Variants in DOCK4 observed in about 807,000 individuals in gnomAD.
DOCK4 encodes dedicator of cytokinesis protein 4.
DOCK4 carries 97 observed loss-of-function variants against 268.1 expected under a neutral mutation model. That is an observed-to-expected ratio of 0.36 (90% confidence interval 0.31 to 0.43). The LOEUF is 0.43. Ranked by LOEUF, DOCK4 falls within the 20% of genes least tolerant of loss-of-function variation. The pLI is 1.00. For missense variants in DOCK4, 2,145 were observed against 2,455.7 expected (o/e 0.87, Z 2.67); for synonymous variants, 954 against 887.2 (o/e 1.08, Z -1.34).
intron 1 of DOCK4, among the ~76,000 whole-genome samples, chr7:112,067,238 T>A: frequency 7.0e-6 from 1 of 142,408 alleles, no homozygotes; most frequent in African/African-American, 2.8e-5. Context: ...AAAACACCTT[T>A]ACTTAAAAAA....
At chr7:112,100,405 G>A (rs1226412045) in intron 1 of DOCK4, among the ~76,000 whole-genome samples, 1 of 152,194 alleles carries the variant, frequency 6.6e-6, no homozygotes, top group Non-Finnish European at 1.5e-5. Flanking sequence ...GCTATAGAAA[G>A]CCAATTCATT....
chr7:111,784,392 G>A (rs1215931043), intron 32 of DOCK4: 3 of 640,182 alleles, frequency 4.7e-6, no homozygotes, highest in Non-Finnish European at 2.9e-6. Flanking sequence ...ACCTCTCAGT[G>A]GAATGCATCT....
intron 1 of DOCK4, among the ~76,000 whole-genome samples, chr7:112,140,290 C>A (rs937056645): frequency 2.0e-5 from 3 of 151,878 alleles, no homozygotes; most frequent in Admixed American, 2.0e-4. Flanking sequence ...GAGCCCCCAA[C>A]CCCCACCTGC....
chr7:111,741,606 C>T lies in DOCK4; in HGVS notation c.4853G>A (p.Arg1618His), dbSNP rs746988311. 38 of 1,613,440 alleles carry T rather than the reference C, an allele frequency of 2.4e-5. No homozygotes were observed. Among genetic ancestry groups the T allele is most frequent in the African/African-American group, 8.0e-5 (6 of 74,864 alleles). Residue 1618 changes from arginine (R) to histidine (H), a missense_variant, in exon 46 of 53, where the codon CGT (arginine) becomes CAT (histidine). Physicochemically the swap from Arg to His is conservative, Grantham distance 29 (BLOSUM62 0). Coordinates refer to ENST00000428084, the MANE Select transcript of DOCK4 (RefSeq NM_001363540.2). ...AGCAGGTGCTGAGTTTCTACACACACGAGGGCTTCCATTAGGAAAATGGAC... is the reference window on the plus strand; with the variant it reads ...AGCAGGTGCTGAGTTTCTACACACATGAGGGCTTCCATTAGGAAAATGGAC... Reference protein sequence around the residue: ...SPVHFPNGSPRVCRNSAPASV... With the variant: ...SPVHFPNGSPHVCRNSAPASV...
At chr7:112,198,903 G>A (rs1489110786) in intron 1 of DOCK4, among the ~76,000 whole-genome samples, 4 of 152,062 alleles carry the variant, frequency 2.6e-5, no homozygotes, top group African/African-American at 4.8e-5. Context: ...ATGCTCCAAC[G>A]TGCTCATAAC....
chr7:111,885,162 T>C (rs1016203016), intron 16 of DOCK4, among the ~76,000 whole-genome samples: 1 of 152,190 alleles, frequency 6.6e-6, no homozygotes, highest in Non-Finnish European at 1.5e-5. Context: ...TGCAACAGAA[T>C]AGTGGTTGGG....
intron 1 of DOCK4, among the ~76,000 whole-genome samples, chr7:112,159,437 A>T (rs940916252): frequency 6.6e-6 from 1 of 152,126 alleles, no homozygotes; most frequent in Non-Finnish European, 1.5e-5. Flanking sequence ...CTGGTCTGGC[A>T]TAAGTCCTCC....
intron 26 of DOCK4, among the ~76,000 whole-genome samples, chr7:111,828,376 C>T (rs946857139): frequency 6.6e-5 from 10 of 152,264 alleles, no homozygotes; most frequent in Admixed American, 3.3e-4. Flanking sequence ...TGGAGGCATC[C>T]AGGCTCTTCA....
chr7:111,880,352 A>G (rs998813424), intron 16 of DOCK4, among the ~76,000 whole-genome samples: 7 of 152,216 alleles, frequency 4.6e-5, no homozygotes, highest in Admixed American at 1.3e-4. Flanking sequence ...TATCCAGGGG[A>G]AAAATATCCT....
intron 12 of DOCK4, among the ~76,000 whole-genome samples, chr7:111,928,109 C>T (rs1191763811): frequency 6.6e-6 from 1 of 152,134 alleles, no homozygotes; most frequent in Admixed American, 6.6e-5. Flanking sequence ...CTAATGAAGG[C>T]TCTCATGTCA....
intron 1 of DOCK4, among the ~76,000 whole-genome samples, chr7:112,140,627 T>C (rs1462495761): frequency 6.7e-6 from 1 of 148,818 alleles, no homozygotes; most frequent in Admixed American, 6.7e-5. Flanking sequence ...GTTAAAAAAA[T>C]ACACATAAGA....
intron 6 of DOCK4, among the ~76,000 whole-genome samples, chr7:111,986,103 T>G (rs972851338): frequency 6.6e-6 from 1 of 152,174 alleles, no homozygotes; most frequent in African/African-American, 2.4e-5. Flanking sequence ...GGTAAGCACC[T>G]GACCTAAGGA....
At position 111,742,118 on chromosome 7, in the gene DOCK4, T is replaced by C; in HGVS notation, c.4692A>G (p.Glu1564=). 1 of 1,593,506 alleles carries C rather than the reference T, an allele frequency of 6.3e-7. No individual in the cohort carries two copies. The highest frequency in any genetic ancestry group is 1.1e-5 in the South Asian group (1 of 87,184). ...ELMLEQAQIL[E]FGLAVHEKFV... Reference sequence around the variant, plus strand: ...ACTTCTCATGCACGGCCAAACCAAATTCCAGAATCTGTGCCTTAATTCACA... The same window carrying C: ...ACTTCTCATGCACGGCCAAACCAAACTCCAGAATCTGTGCCTTAATTCACA... The change falls in exon 45 of 53, where the codon GAA becomes GAG. Residue 1564 remains glutamate, a synonymous_variant. Coordinates refer to ENST00000428084, the MANE Select transcript of DOCK4 (RefSeq NM_001363540.2).
At chr7:112,096,946 A>G (rs1161341859) in intron 1 of DOCK4, among the ~76,000 whole-genome samples, 1 of 152,226 alleles carries the variant, frequency 6.6e-6, no homozygotes, top group African/African-American at 2.4e-5. Context: ...TCAGGGGCAG[A>G]ACTTCTGTCT....
intron 23 of DOCK4, among the ~76,000 whole-genome samples, chr7:111,856,739 G>C (rs1005304648): frequency 1.3e-5 from 2 of 152,176 alleles, no homozygotes; most frequent in African/African-American, 4.8e-5. Flanking sequence ...AGGGGAATAC[G>C]GGTAAGCGGG....
intron 41 of DOCK4, among the ~76,000 whole-genome samples, chr7:111,756,298 G>A (rs771788847): frequency 1.9e-4 from 29 of 152,138 alleles, no homozygotes; most frequent in Non-Finnish European, 4.1e-4. Flanking sequence ...GCAGTAAGCC[G>A]AGATCGCCCC....
intron 1 of DOCK4, among the ~76,000 whole-genome samples, chr7:112,134,274 G>T (rs942743495): frequency 6.6e-6 from 1 of 152,158 alleles, no homozygotes; most frequent in Non-Finnish European, 1.5e-5. Context: ...CCAACAGCTT[G>T]CGAGAGGTAA....
chr7:111,910,513 A>G (rs1414017682), intron 13 of DOCK4, among the ~76,000 whole-genome samples: 1 of 152,244 alleles, frequency 6.6e-6, no homozygotes, highest in East Asian at 1.9e-4. Context: ...ACTCATCAGT[A>G]GTTTTTCATA....
At chr7:111,917,290 T>C (rs1490486935) in intron 12 of DOCK4, among the ~76,000 whole-genome samples, 1 of 151,980 alleles carries the variant, frequency 6.6e-6, no homozygotes, top group East Asian at 1.9e-4. Flanking sequence ...CTGGCCTCTA[T>C]GCTTTAAAAT....
Sources: allele counts gnomAD v4.1 joint callset (sites outside exome capture counted in the v4.1 genomes callset), GRCh38; gene constraint gnomAD v4.1.1; transcripts MANE v1.5; gene names NCBI Gene and HGNC (gene_info 2026-07-23, HGNC 2026-07-21).